CCDC73: variants seen among roughly 807,000 people sequenced by gnomAD.
CCDC73 encodes the protein coiled-coil domain-containing protein 73.
In CCDC73, 95 loss-of-function variants were observed where a neutral mutation model predicts 116.5. That is an observed-to-expected ratio of 0.82 (90% CI 0.69 to 0.97). CCDC73 has a LOEUF of 0.97. Among genes scored for constraint, CCDC73 ranks in the 50% least tolerant of loss-of-function variants. CCDC73 has a pLI of 0.00. For synonymous variants in CCDC73, 398 were observed against 401.3 expected, an observed-to-expected ratio of 0.99 and a Z score of 0.10; for missense variants, 1,066 against 1,206.8, an observed-to-expected ratio of 0.88 and a Z score of 1.73.
At chr11:32,732,288 C>T (rs187941065) in intron 2 of CCDC73, among the ~76,000 whole-genome samples, 14 of 152,286 alleles carry the variant, frequency 9.2e-5, no homozygotes, top group Middle Eastern at 6.8e-3. Flanking sequence ...AAATTTACGT[C>T]TGATTGGTGT....
chr11:32,818,084 G>C, the CCDC73 span, among the ~76,000 whole-genome samples: 418 of 152,282 alleles, frequency 2.7e-3, 4 homozygotes, highest in African/African-American at 9.7e-3. Flanking sequence ...TCCTCTTCTT[G>C]AATTTGTTCT....
intron 2 of CCDC73, among the ~76,000 whole-genome samples, chr11:32,748,843 C>T (rs1850262984): frequency 1.3e-5 from 2 of 152,146 alleles, no homozygotes; most frequent in Non-Finnish European, 2.9e-5. Flanking sequence ...TAGGGTAAAA[C>T]CTTTTTTCCT....
intron 14 of CCDC73, among the ~76,000 whole-genome samples, chr11:32,635,457 G>A (rs1447463714): frequency 1.3e-5 from 2 of 152,040 alleles, no homozygotes; most frequent in African/African-American, 4.8e-5. Context: ...CAGTGGGAGA[G>A]AAAATAGTGT....
At chr11:32,798,915 TG>T (rs35135170), upstream of CCDC73, among the ~76,000 whole-genome samples, 10 of 143,082 alleles carry the variant, frequency 7.0e-5, no homozygotes, top group South Asian at 2.3e-4. Flanking sequence ...TTGTTTGTTT[TG>T]GGGGGGGGCG....
intron 1 of CCDC73, among the ~76,000 whole-genome samples, chr11:32,785,968 AG>A: frequency 6.6e-6 from 1 of 152,320 alleles, no homozygotes; most frequent in South Asian, 2.1e-4. Flanking sequence ...GTTTTACATA[AG>A]GGTTCAGAAA....
At chr11:32,825,929 C>T in the CCDC73 span, among the ~76,000 whole-genome samples, 4 of 152,140 alleles carry the variant, frequency 2.6e-5, no homozygotes, top group East Asian at 1.9e-4. Context: ...GGGGCAGCTC[C>T]GGTGCGCTCT....
At chr11:32,734,784 A>G (rs1188545098) in intron 2 of CCDC73, among the ~76,000 whole-genome samples, 1 of 152,192 alleles carries the variant, frequency 6.6e-6, no homozygotes, top group Non-Finnish European at 1.5e-5. Context: ...AATACTGGCA[A>G]ACCGAATCCA....
In CCDC73 at chr11:32,720,561, G is replaced by A. The variant is rs578114943; in HGVS notation, c.136-2414C>T. 8.6e-5 allele frequency among the ~76,000 whole-genome samples: 13 copies of A among 151,934 alleles called. No homozygotes were observed. In the East Asian group the frequency reaches 2.5e-3, roughly 29 times the overall value. On this transcript the variant is annotated intron_variant, in intron 2 of 17. Transcript: ENST00000335185. ...CACAAATAAATAAACAGATTGGAAA[G>A]GAAAAAATAAAACTACCTCTATTTG...
intron 12 of CCDC73, among the ~76,000 whole-genome samples, chr11:32,652,294 A>G (rs1257891321): frequency 1.3e-5 from 2 of 150,282 alleles, no homozygotes; most frequent in Non-Finnish European, 3.0e-5. Flanking sequence ...ACAGAACAAG[A>G]CTCCATCTCA....
At chr11:32,785,300 T>G (rs1301049195) in intron 1 of CCDC73, among the ~76,000 whole-genome samples, 1 of 152,236 alleles carries the variant, frequency 6.6e-6, no homozygotes, top group Admixed American at 6.5e-5. Flanking sequence ...CAGATTACAA[T>G]GTGAAATGTA....
chr11:32,691,007 C>G (rs969557873), intron 6 of CCDC73, among the ~76,000 whole-genome samples: 1 of 151,258 alleles, frequency 6.6e-6, no homozygotes, highest in Non-Finnish European at 1.5e-5. Context: ...CTTCTGTACT[C>G]TGTCTTTTTA....
intron 2 of CCDC73, among the ~76,000 whole-genome samples, chr11:32,750,202 A>C (rs73473818): frequency 1.3e-5 from 2 of 152,302 alleles, no homozygotes; most frequent in African/African-American, 2.4e-5. Flanking sequence ...TAAATGGATT[A>C]TCTCTCTGTG....
rs1850379311 is a variant in CCDC73 at position 32,760,182 on chromosome 11, G to T, written c.62C>A (p.Thr21Lys). Residue 21 changes from threonine to lysine, a missense_variant, in exon 2 of 18, where the codon ACA becomes AAA. Physicochemically the swap from Thr to Lys is moderately conservative, Grantham distance 78. Coordinates refer to ENST00000335185, the MANE Select transcript of CCDC73 (RefSeq NM_001008391.4). Reference protein sequence around the residue: ...STFTLQSSSETLFSIQLLDFK... With the variant: ...STFTLQSSSEKLFSIQLLDFK... Reference sequence around the variant, plus strand: ...ATCTAATAGCTGAATAGAAAACAATGTCTCTGAAGAACTTTGAAGAGTAAA... The same window carrying T: ...ATCTAATAGCTGAATAGAAAACAATTTCTCTGAAGAACTTTGAAGAGTAAA... 3 of 1,598,212 alleles carry T rather than the reference G, an allele frequency of 1.9e-6. No individual in the cohort carries two copies. The East Asian group carries it at 6.7e-5, about 36-fold the overall frequency.
chr11:32,826,661 A>AC, the CCDC73 span, among the ~76,000 whole-genome samples: 731 of 83,620 alleles, frequency 8.7e-3, 13 homozygotes, highest in Middle Eastern at 0.022. Context: ...AAAAAAAAAC[A>AC]AAAAAAAAAA....
intron 6 of CCDC73, among the ~76,000 whole-genome samples, chr11:32,697,826 C>T (rs7121691): frequency 0.3 from 44,746 of 151,114 alleles, 6,781 homozygotes; most frequent in South Asian, 0.35. Context: ...CTTTTAGGTT[C>T]AGGGGTACAT....
At chr11:32,829,972 C>T in the CCDC73 span, 8 of 985,272 alleles carry the variant, frequency 8.1e-6, no homozygotes, top group African/African-American at 1.2e-4. Flanking sequence ...TCACCCCGCG[C>T]GTGTTCCCCG....
At chr11:32,616,705 C>T (rs1448541146) in intron 14 of CCDC73, among the ~76,000 whole-genome samples, 1 of 152,166 alleles carries the variant, frequency 6.6e-6, no homozygotes. Context: ...TTTTCTTCCC[C>T]TATATATTGA....
chr11:32,753,618 C>T (rs1431421732), intron 2 of CCDC73, among the ~76,000 whole-genome samples: 1 of 152,098 alleles, frequency 6.6e-6, no homozygotes, highest in Non-Finnish European at 1.5e-5. Context: ...GCACCCATCA[C>T]CATGCCCAGC....
rs767598771 is a variant in CCDC73, at chr11:32,613,781, G to A, written c.2537C>T (p.Thr846Ile). Residue 846 changes from threonine to isoleucine, a missense_variant, in exon 16 of 18, where the codon ACA becomes ATA. Coordinates refer to ENST00000335185, the MANE Select transcript of CCDC73 (RefSeq NM_001008391.4). ...QHTLLNNTEK[T>I]ESLNDIVSGK... ...TGAAACAATGTCATTTAATGATTCT[G>A]TTTTCTCTGTATTATTTAACAATGT... 6.2e-7 allele frequency: 1 copy of A among 1,613,742 alleles called. No homozygotes were observed. Among genetic ancestry groups the A allele is most frequent in the South Asian group, 1.1e-5 (1 of 91,066 alleles).
Sources: gnomAD v4.1 joint callset for allele counts (sites outside exome capture counted in the v4.1 genomes callset) on GRCh38, gnomAD v4.1.1 for gene constraint, MANE v1.5 for transcripts, NCBI Gene and HGNC (gene_info 2026-07-23, HGNC 2026-07-21) for gene names.